The following LRP1B variants were observed in gnomAD, a reference collection of about 807,000 sequenced individuals.
The protein encoded by LRP1B is LDL receptor related protein 1B, also known as low-density lipoprotein receptor-related protein 1B.
LRP1B carries 217 observed loss-of-function variants against 556.6 expected under a neutral mutation model. That is an observed-to-expected ratio of 0.39 (90% CI 0.35 to 0.44). The LOEUF (loss-of-function observed/expected upper bound fraction) is 0.44. LRP1B is among the 20% of genes least tolerant of loss of function. The pLI is 1.00. For synonymous variants in LRP1B, 2,047 were observed against 1,865.8 expected, an observed-to-expected ratio of 1.10 and a Z score of -2.50; for missense variants, 5,053 against 5,620.8, an observed-to-expected ratio of 0.90 and a Z score of 3.23.
At chr2:142,074,568 T>A (rs1705432650) in intron 1 of LRP1B, among the ~76,000 whole-genome samples, 1 of 152,154 alleles carries the variant, frequency 6.6e-6, no homozygotes, top group South Asian at 2.1e-4. Flanking sequence ...TCTGTAGAAC[T>A]CCTGTGGGAA....
intron 2 of LRP1B, among the ~76,000 whole-genome samples, chr2:141,567,978 T>C (rs1405002412): frequency 6.6e-6 from 1 of 150,380 alleles, no homozygotes; most frequent in Non-Finnish European, 1.5e-5. Flanking sequence ...ATTGGTTCAG[T>C]TGTTTATCAC....
chr2:140,367,787 G>A (rs866297015), intron 71 of LRP1B, among the ~76,000 whole-genome samples: 1 of 151,790 alleles, frequency 6.6e-6, no homozygotes, highest in Middle Eastern at 3.4e-3. Flanking sequence ...CTCATCGCAT[G>A]CTCCATTTTA....
At chr2:140,290,190 G>T (rs184367809) in intron 84 of LRP1B, among the ~76,000 whole-genome samples, 8 of 152,188 alleles carry the variant, frequency 5.3e-5, no homozygotes, top group African/African-American at 1.9e-4. Context: ...AAAGAGAAGT[G>T]CTGAGATTCT....
At chr2:140,784,106 G>C (rs1689800671) in intron 32 of LRP1B, among the ~76,000 whole-genome samples, 2 of 152,208 alleles carry the variant, frequency 1.3e-5, no homozygotes, top group South Asian at 4.1e-4. Context: ...TTTTAAAAAT[G>C]TCTGGGTGCC....
At chr2:141,699,721 A>T (rs1474253160) in intron 2 of LRP1B, among the ~76,000 whole-genome samples, 1 of 151,310 alleles carries the variant, frequency 6.6e-6, no homozygotes, top group Non-Finnish European at 1.5e-5. Flanking sequence ...TAGTATGTAC[A>T]CAATAGTGTC....
chr2:140,325,528 C>G (rs1463373771), intron 80 of LRP1B, among the ~76,000 whole-genome samples: 1 of 152,118 alleles, frequency 6.6e-6, no homozygotes, highest in African/African-American at 2.4e-5. Flanking sequence ...TTTTCTGAAT[C>G]TGGGCAGCAA....
intron 11 of LRP1B, among the ~76,000 whole-genome samples, chr2:141,032,826 C>CATACATACATACATACATATATATAT: frequency 2.4e-5 from 3 of 126,612 alleles, no homozygotes; most frequent in Admixed American, 7.8e-5. Flanking sequence ...TATATACATA[C>CATACATACATACATACATATATATAT]ATATATATAT....
chr2:140,462,614 C>A (rs569010813), intron 60 of LRP1B, among the ~76,000 whole-genome samples: 4 of 152,286 alleles, frequency 2.6e-5, no homozygotes, highest in Middle Eastern at 3.4e-3. Context: ...CAATGCAATT[C>A]ATGGAGGAAA....
intron 2 of LRP1B, among the ~76,000 whole-genome samples, chr2:141,559,723 G>A (rs979080): frequency 0.37 from 56,487 of 151,272 alleles, 11,036 homozygotes; most frequent in Non-Finnish European, 0.44. Context: ...TGATCATGAG[G>A]ATGAAAAAGT....
chr2:140,900,926 G>GT (rs1694086282), intron 23 of LRP1B, among the ~76,000 whole-genome samples: 1 of 152,192 alleles, frequency 6.6e-6, no homozygotes, highest in African/African-American at 2.4e-5. Flanking sequence ...AGTGAGGAAA[G>GT]TATAGTCTAA....
chr2:140,652,428 A>T (rs940678583), intron 41 of LRP1B, among the ~76,000 whole-genome samples: 8 of 152,080 alleles, frequency 5.3e-5, no homozygotes, highest in African/African-American at 1.7e-4. Flanking sequence ...AAAGTTTTTT[A>T]AAAAAGCATA....
intron 7 of LRP1B, among the ~76,000 whole-genome samples, chr2:141,064,729 C>G (rs1699433203): frequency 6.6e-6 from 1 of 151,714 alleles, no homozygotes; most frequent in Admixed American, 6.6e-5. Context: ...TTAATTTTAC[C>G]CTAAAATTTC....
At chr2:142,005,376 A>G (rs1054814378) in intron 1 of LRP1B, among the ~76,000 whole-genome samples, 3 of 152,076 alleles carry the variant, frequency 2.0e-5, no homozygotes, top group African/African-American at 7.2e-5. Flanking sequence ...AAAAAATAAG[A>G]TGATTAAATG....
intron 41 of LRP1B, among the ~76,000 whole-genome samples, chr2:140,671,525 A>C (rs1685485163): frequency 6.6e-6 from 1 of 152,038 alleles, no homozygotes; most frequent in Non-Finnish European, 1.5e-5. Context: ...CATCTCAAAC[A>C]AACAAACAAA....
intron 35 of LRP1B, among the ~76,000 whole-genome samples, chr2:140,719,584 A>G (rs771581123): frequency 2.0e-5 from 3 of 151,992 alleles, no homozygotes; most frequent in Non-Finnish European, 2.9e-5. Flanking sequence ...TTCTTCCTAG[A>G]ACTAGACCAT....
intron 59 of LRP1B, 110 bp from the exon 60 acceptor site, chr2:140,475,447 T>C (rs891188625): frequency 1.4e-6 from 1 of 736,274 alleles, no homozygotes; most frequent in Non-Finnish European, 2.1e-6. Context: ...TTGCCATTTT[T>C]CTGAATTGCA....
chr2:140,704,004 C>A (rs1349572679), intron 37 of LRP1B, among the ~76,000 whole-genome samples: 1 of 152,038 alleles, frequency 6.6e-6, no homozygotes, highest in Non-Finnish European at 1.5e-5. Context: ...GATGCATTTT[C>A]CTTTGGGTAT....
At chr2:141,582,337 G>T (rs565057369) in intron 2 of LRP1B, among the ~76,000 whole-genome samples, 4 of 152,142 alleles carry the variant, frequency 2.6e-5, no homozygotes, top group African/African-American at 7.2e-5. Flanking sequence ...TTCATGAGAC[G>T]CACAAGTTGT....
chr2:141,382,502 T>A (rs1689678987), intron 3 of LRP1B, among the ~76,000 whole-genome samples: 1 of 152,200 alleles, frequency 6.6e-6, no homozygotes, highest in Admixed American at 6.5e-5. Context: ...GGTCCCAGTC[T>A]CAGCTCTAGT....
Sources: gnomAD v4.1 joint callset for allele counts (sites outside exome capture counted in the v4.1 genomes callset) on GRCh38, gnomAD v4.1.1 for gene constraint, MANE v1.5 for transcripts, NCBI Gene and HGNC (gene_info 2026-07-23, HGNC 2026-07-21) for gene names.